Variants in TSHZ2 observed in about 807,000 individuals in gnomAD.
The protein encoded by TSHZ2 is teashirt homolog 2.
In TSHZ2, 21 loss-of-function variants were observed where a neutral mutation model predicts 74.4. That is an observed-to-expected ratio of 0.28 (90% CI 0.20 to 0.41). TSHZ2 has a LOEUF of 0.41. TSHZ2 is among the 10% of genes least tolerant of loss of function. TSHZ2 has a pLI of 1.00. For missense variants in TSHZ2, 1,244 were observed against 1,293.5 expected, an observed-to-expected ratio of 0.96 and a Z score of 0.59; for synonymous variants, 540 against 515.3, an observed-to-expected ratio of 1.05 and a Z score of -0.65.
At chr20:53,159,376 G>C (rs183550070) in intron 1 of TSHZ2, among the ~76,000 whole-genome samples, 1 of 152,282 alleles carries the variant, frequency 6.6e-6, no homozygotes, top group Admixed American at 6.5e-5. Context: ...ATTTGTTGAC[G>C]TATTGTCTGT....
At chr20:53,185,173 T>C in intron 1 of TSHZ2, 1 of 986,492 alleles carries the variant, frequency 1.0e-6, no homozygotes, top group Non-Finnish European at 1.2e-6. Flanking sequence ...CCAATTGTTT[T>C]GAAGAATGTC....
chr20:53,134,553 A>G (rs953660646), intron 1 of TSHZ2, among the ~76,000 whole-genome samples: 5 of 151,866 alleles, frequency 3.3e-5, no homozygotes, highest in African/African-American at 1.2e-4. Flanking sequence ...GTATCTCAGG[A>G]TTTTGACTTG....
intron 2 of TSHZ2, among the ~76,000 whole-genome samples, chr20:53,318,228 G>A (rs1979105183): frequency 6.6e-6 from 1 of 152,134 alleles, no homozygotes; most frequent in Non-Finnish European, 1.5e-5. Context: ...GAGAGAAAAG[G>A]GCATCTTAGA....
At chr20:53,203,157 T>C (rs1989050131) in intron 1 of TSHZ2, among the ~76,000 whole-genome samples, 1 of 151,634 alleles carries the variant, frequency 6.6e-6, no homozygotes, top group Non-Finnish European at 1.5e-5. Context: ...AGTTCACAGG[T>C]GCAAGGCAGA....
At chr20:53,361,418 C>T (rs1282194974) in intron 2 of TSHZ2, among the ~76,000 whole-genome samples, 1 of 152,318 alleles carries the variant, frequency 6.6e-6, no homozygotes, top group East Asian at 1.9e-4. Context: ...CGAGGCTTCT[C>T]CAACATTCCT....
intron 1 of TSHZ2, among the ~76,000 whole-genome samples, chr20:53,102,882 TA>T (rs1225383696): frequency 0.056 from 7,444 of 132,934 alleles, 304 homozygotes; most frequent in African/African-American, 0.12. Flanking sequence ...TTTTTTTTTT[TA>T]TTATACTTTA....
At chr20:53,360,591 A>G (rs1374401279) in intron 2 of TSHZ2, among the ~76,000 whole-genome samples, 2 of 152,238 alleles carry the variant, frequency 1.3e-5, no homozygotes, top group East Asian at 1.9e-4. Context: ...GATTTTTGTC[A>G]GGGTTTTAAT....
intron 1 of TSHZ2, among the ~76,000 whole-genome samples, chr20:53,092,528 A>G (rs1324415061): frequency 6.6e-6 from 1 of 152,236 alleles, no homozygotes; most frequent in African/African-American, 2.4e-5. Context: ...CCATGGGAAA[A>G]GGAAACAATA....
chr20:53,405,260 C>A lies in TSHZ2; in HGVS notation c.*9-81884C>A, dbSNP rs1463988958. Among the ~76,000 whole-genome samples the A allele has an allele frequency of 3.2e-3, 383 of 119,550 alleles. 3 individuals carry two copies. Among genetic ancestry groups the A allele is most frequent in the African/African-American group, 0.012 (302 of 25,292 alleles). 78.4% of individuals were successfully genotyped at this position (119,550 alleles called of 152,430 possible). A position where few individuals can be genotyped will look rare whatever the true frequency, so the allele number is the denominator to read the frequency against. ...CAAGACTCTGTCTCAAAAAAAAAAA[C>A]AAAGTTGCATCATACTTAATTTTGG... On this transcript the variant is annotated intron_variant, in intron 2 of 2. Transcript: ENST00000371497.
At chr20:53,073,632 A>G (rs1985272728) in intron 1 of TSHZ2, among the ~76,000 whole-genome samples, 1 of 152,196 alleles carries the variant, frequency 6.6e-6, no homozygotes, top group Admixed American at 6.5e-5. Flanking sequence ...CAATGAAATT[A>G]TTATTTTTTA....
At chr20:53,106,524 C>A (rs184569625) in intron 1 of TSHZ2, among the ~76,000 whole-genome samples, 10,483 of 149,534 alleles carry the variant, frequency 0.07, 434 homozygotes, top group Non-Finnish European at 0.1. Flanking sequence ...CCTGCCTCAG[C>A]CTCCTGAGTA....
chr20:53,404,944 G>A (rs960723166), intron 2 of TSHZ2, among the ~76,000 whole-genome samples: 2 of 152,016 alleles, frequency 1.3e-5, no homozygotes, highest in Admixed American at 6.6e-5. Context: ...CGCACTCTTC[G>A]ACATCCAATT....
intron 1 of TSHZ2, among the ~76,000 whole-genome samples, chr20:53,242,300 TG>T (rs1160245133): frequency 6.6e-6 from 1 of 152,078 alleles, no homozygotes; most frequent in Non-Finnish European, 1.5e-5. Context: ...CCATGTCCCC[TG>T]GGGAACAAAA....
At chr20:53,106,482 T>G (rs144530541) in intron 1 of TSHZ2, among the ~76,000 whole-genome samples, 10,235 of 134,734 alleles carry the variant, frequency 0.076, 425 homozygotes, top group Non-Finnish European at 0.1. Context: ...TTGGCTCACT[T>G]CAAGCTCCAC....
intron 2 of TSHZ2, among the ~76,000 whole-genome samples, chr20:53,262,376 T>C (rs1207970513): frequency 6.6e-6 from 1 of 152,196 alleles, no homozygotes; most frequent in East Asian, 1.9e-4. Context: ...TTGTTGGAAA[T>C]GAGCAGGCGT....
intron 2 of TSHZ2, among the ~76,000 whole-genome samples, chr20:53,412,216 T>C (rs375441050): frequency 2.6e-5 from 4 of 152,060 alleles, no homozygotes; most frequent in African/African-American, 7.3e-5. Context: ...CAGTGGGAAA[T>C]TGGAGAAGGG....
At chr20:53,440,628 C>T (rs146287757) in intron 2 of TSHZ2, among the ~76,000 whole-genome samples, 91 of 152,230 alleles carry the variant, frequency 6.0e-4, no homozygotes, top group African/African-American at 2.1e-3. Flanking sequence ...TGGGGAGAAA[C>T]GGACAATAGC....
chr20:53,386,873 C>T (rs769126728), intron 2 of TSHZ2, among the ~76,000 whole-genome samples: 3 of 119,428 alleles, frequency 2.5e-5, no homozygotes, highest in Non-Finnish European at 6.1e-5. Flanking sequence ...AACTCTGCCT[C>T]ACCTAGCCTT....
intron 1 of TSHZ2, among the ~76,000 whole-genome samples, chr20:53,224,927 G>A (rs1321942127): frequency 2.0e-5 from 3 of 152,024 alleles, no homozygotes; most frequent in Non-Finnish European, 4.4e-5. Context: ...CACAAGAACT[G>A]GAGATGATTA....
Sources: allele counts gnomAD v4.1 joint callset (sites outside exome capture counted in the v4.1 genomes callset), GRCh38; gene constraint gnomAD v4.1.1; transcripts MANE v1.5; gene names NCBI Gene and HGNC (gene_info 2026-07-23, HGNC 2026-07-21).